XPR1: variants seen among roughly 807,000 people sequenced by gnomAD.
The protein encoded by XPR1 is xenotropic and polytropic retrovirus receptor 1, also known as solute carrier family 53 member 1.
A neutral mutation model predicts 87.5 loss-of-function variants in XPR1; 28 were observed. That is an observed-to-expected ratio of 0.32 (90% CI 0.24 to 0.44). The LOEUF (loss-of-function observed/expected upper bound fraction) is 0.44, where lower values mean the gene tolerates loss of function less well. Among genes scored for constraint, XPR1 ranks in the 20% least tolerant of loss-of-function variants. XPR1 has a pLI of 1.00. For synonymous variants in XPR1, 300 were observed against 306.1 expected (o/e 0.98, Z 0.21); for missense variants, 559 against 862.3 (o/e 0.65, Z 4.41).
At chr1:180,650,443 A>G (rs565142309) in intron 1 of XPR1, among the ~76,000 whole-genome samples, 2 of 152,348 alleles carry the variant, frequency 1.3e-5, no homozygotes, top group South Asian at 4.1e-4. Context: ...GATCACCTGT[A>G]TTAGTACTGT....
At chr1:180,842,955 C>T (rs185662069) in intron 11 of XPR1, among the ~76,000 whole-genome samples, 6 of 152,344 alleles carry the variant, frequency 3.9e-5, no homozygotes, top group Admixed American at 3.9e-4. Context: ...ATTCTCGGCA[C>T]AATTAAGAGT....
chr1:180,674,838 A>G (rs1024062111), intron 1 of XPR1, among the ~76,000 whole-genome samples: 1 of 152,196 alleles, frequency 6.6e-6, no homozygotes, highest in Non-Finnish European at 1.5e-5. Flanking sequence ...CATTTGACAC[A>G]GTAATATAGC....
chr1:180,735,724 G>T (rs896218444), intron 2 of XPR1, among the ~76,000 whole-genome samples: 1 of 152,118 alleles, frequency 6.6e-6, no homozygotes, highest in African/African-American at 2.4e-5. Flanking sequence ...AATAAATTAT[G>T]TTCACAAGTT....
intron 2 of XPR1, among the ~76,000 whole-genome samples, chr1:180,725,685 C>T (rs951864218): frequency 6.6e-6 from 1 of 152,190 alleles, no homozygotes; most frequent in Admixed American, 6.5e-5. Flanking sequence ...ATTGAACTTA[C>T]CTAGATATAC....
chr1:180,771,510 C>G (rs1648511861), intron 2 of XPR1, among the ~76,000 whole-genome samples: 1 of 152,124 alleles, frequency 6.6e-6, no homozygotes, highest in African/African-American at 2.4e-5. Context: ...AGACCTTACT[C>G]AAGTTTTACC....
chr1:180,656,320 AATATTTATAT>A (rs1655465005), intron 1 of XPR1, among the ~76,000 whole-genome samples: 1 of 116,412 alleles, frequency 8.6e-6, no homozygotes, highest in Admixed American at 1.2e-4. Context: ...TTATATATAT[AATATTTATAT>A]ATATAATATT....
chr1:180,790,989 A>G (rs950377617), intron 3 of XPR1, among the ~76,000 whole-genome samples: 13 of 152,218 alleles, frequency 8.5e-5, no homozygotes, highest in Non-Finnish European at 1.5e-4. Context: ...ATGTAGACAG[A>G]GAAGACCATA....
In XPR1 at chr1:180,638,428, C is replaced by T. The variant is rs569605697; in HGVS notation, c.69+6158C>T. On this transcript the variant is annotated intron_variant, in intron 1 of 14. Coordinates refer to ENST00000367590, the MANE Select transcript of XPR1 (RefSeq NM_004736.4). ...GTGGGTTGCCTGGTATTGAGGTGGC[C>T]TTTGGGAATGAGAGAGTGTCAGACT... Among the ~76,000 whole-genome samples the T allele has an allele frequency of 2.6e-5, 4 of 151,950 alleles. No individual in the cohort carries two copies. In the South Asian group the frequency reaches 6.2e-4, roughly 24 times the overall value.
intron 2 of XPR1, among the ~76,000 whole-genome samples, chr1:180,782,422 A>T (rs1010074125): frequency 3.9e-5 from 6 of 151,902 alleles, no homozygotes; most frequent in African/African-American, 1.4e-4. Flanking sequence ...TTCAGGCAGA[A>T]TTCGTTTCTA....
At chr1:180,812,794 A>G (rs1017896533) in intron 7 of XPR1, among the ~76,000 whole-genome samples, 2 of 151,750 alleles carry the variant, frequency 1.3e-5, no homozygotes, top group African/African-American at 4.8e-5. Context: ...GATTACAGGC[A>G]CACACCACCA....
At chr1:180,673,382 A>G (rs1020937964) in intron 1 of XPR1, among the ~76,000 whole-genome samples, 1 of 152,178 alleles carries the variant, frequency 6.6e-6, no homozygotes, top group African/African-American at 2.4e-5. Flanking sequence ...ATCTGCATAT[A>G]TTTTCTTTGG....
intron 11 of XPR1, among the ~76,000 whole-genome samples, chr1:180,862,536 T>C (rs746008492): frequency 2.6e-5 from 4 of 152,148 alleles, no homozygotes; most frequent in Non-Finnish European, 4.4e-5. Flanking sequence ...CTTCCTACTG[T>C]TGGAAACATT....
chr1:180,831,909 C>T (rs1651079492), intron 9 of XPR1, among the ~76,000 whole-genome samples: 1 of 152,124 alleles, frequency 6.6e-6, no homozygotes, highest in Non-Finnish European at 1.5e-5. Flanking sequence ...TGGGTGTATA[C>T]CCAGTAATGG....
chr1:180,658,120 T>G (rs892768118), intron 1 of XPR1, among the ~76,000 whole-genome samples: 3 of 152,244 alleles, frequency 2.0e-5, no homozygotes, highest in African/African-American at 4.8e-5. Context: ...TGCTACTGAT[T>G]TTTGCATGTC....
chr1:180,733,971 A>G (rs1165858061), intron 2 of XPR1, among the ~76,000 whole-genome samples: 1 of 152,180 alleles, frequency 6.6e-6, no homozygotes, highest in Non-Finnish European at 1.5e-5. Flanking sequence ...TCCTTTGAGG[A>G]CAGTTATAAT....
intron 6 of XPR1, among the ~76,000 whole-genome samples, chr1:180,808,257 A>C (rs1384310126): frequency 6.6e-6 from 1 of 151,854 alleles, no homozygotes; most frequent in African/African-American, 2.4e-5. Flanking sequence ...TTTTCAACTA[A>C]GGATGCTGAA....
chr1:180,809,972 A>G (rs1432114314), intron 6 of XPR1, among the ~76,000 whole-genome samples: 2 of 152,120 alleles, frequency 1.3e-5, no homozygotes, highest in Non-Finnish European at 2.9e-5. Context: ...GGGAGTCTCA[A>G]TGCTTTGTTT....
At chr1:180,654,857 C>G (rs1447557115) in intron 1 of XPR1, among the ~76,000 whole-genome samples, 1 of 152,106 alleles carries the variant, frequency 6.6e-6, no homozygotes, top group Non-Finnish European at 1.5e-5. Flanking sequence ...CAAAATATCT[C>G]TCTGTGTTCA....
At chr1:180,776,067 T>A (rs1203906510) in intron 2 of XPR1, among the ~76,000 whole-genome samples, 1 of 152,174 alleles carries the variant, frequency 6.6e-6, no homozygotes, top group African/African-American at 2.4e-5. Flanking sequence ...TCTGAAATAC[T>A]CAAATACTCA....
Sources: allele counts gnomAD v4.1 joint callset (sites outside exome capture counted in the v4.1 genomes callset), GRCh38; gene constraint gnomAD v4.1.1; transcripts MANE v1.5; gene names NCBI Gene and HGNC (gene_info 2026-07-23, HGNC 2026-07-21).